Variants in RYR1 observed in about 807,000 individuals in gnomAD.
The protein encoded by RYR1 is central core disease of muscle.
RYR1 carries 342 observed loss-of-function variants against 583.5 expected under a neutral mutation model. That is an observed-to-expected ratio of 0.59 (90% confidence interval 0.54 to 0.64). RYR1 has a LOEUF of 0.64. Among genes scored for constraint, RYR1 ranks in the 30% least tolerant of loss-of-function variants. RYR1 has a pLI of 0.00. For synonymous variants in RYR1, 2,791 were observed against 2,822.5 expected (o/e 0.99, Z 0.35); for missense variants, 6,032 against 6,917.2 (o/e 0.87, Z 4.54).
Position 38,537,433 on chromosome 19 carries a change from C to T in RYR1, c.11609-447C>T, listed in dbSNP as rs141164060. Among the ~76,000 whole-genome samples the T allele has an allele frequency of 3.9e-3, 587 of 152,276 alleles. 7 individuals carry two copies. The highest frequency in any genetic ancestry group is 0.013 in the African/African-American group (560 of 41,558). ...ATTGGCTGGCTTTCAATCCCCATCC[C>T]TTATCCCTCCCAGCCCAATCTTCCC... On this transcript the variant is annotated intron_variant, in intron 83 of 105. Coordinates refer to ENST00000359596, the MANE Select transcript of RYR1 (RefSeq NM_000540.3).
chr19:38,573,109 G>A (rs1352697602), intron 95 of RYR1, 68 bp from the exon 96 acceptor site: 2 of 1,606,458 alleles, frequency 1.2e-6, no homozygotes, highest in African/African-American at 2.7e-5. Context: ...AGATGTCATG[G>A]CTTCTGCTGA....
chr19:38,433,740 A>AACCCCC lies in RYR1; in HGVS notation c.-90_-89insACCCCC. 2 of 705,100 alleles carry AACCCCC rather than the reference A, an allele frequency of 2.8e-6. No individual in the cohort carries two copies. 43.7% of individuals were successfully genotyped at this position (705,100 alleles called of 1,614,324 possible). A position where few individuals can be genotyped will look rare whatever the true frequency, so the allele number is the denominator to read the frequency against. ...CCTCTGGTGTCTCCAGAGGTCTCCG[A>AACCCCC]CCCCAGCCCGCCCCCAGCCCTCCCG... On this transcript the variant is annotated 5_prime_UTR_variant, in exon 1 of 106. Transcript: ENST00000359596.
rs1449733977 is a variant in RYR1, at chr19:38,516,217, A to G, written c.9685A>G (p.Ile3229Val). Reference protein sequence around the residue: ...YTTKSPRERAILGLPNSVEEM... With the variant: ...YTTKSPRERAVLGLPNSVEEM... ...CACCAAGTCTCCGCGGGAGCGGGCCAGTAAGCTGTGTGGGGCGGGAGCAGT... is the reference window on the plus strand; with the variant it reads ...CACCAAGTCTCCGCGGGAGCGGGCCGGTAAGCTGTGTGGGGCGGGAGCAGT... Residue 3229 changes from isoleucine to valine, a missense_variant and splice_region_variant, in exon 65 of 106, where the codon ATC becomes GTC. Transcript: ENST00000359596. 1.4e-5 allele frequency: 22 copies of G among 1,586,482 alleles called. No individual in the cohort carries two copies. The Middle Eastern group carries it at 5.0e-4, about 36-fold the overall frequency.
chr19:38,488,919 CG>C (rs1474340425), intron 34 of RYR1, among the ~76,000 whole-genome samples: 1 of 152,166 alleles, frequency 6.6e-6, no homozygotes, highest in Admixed American at 6.5e-5. Context: ...AAAGGACACT[CG>C]CCTGTGATGG....
chr19:38,587,383 A>G lies in RYR1; in HGVS notation c.15080A>G (p.Asp5027Gly). ...TGTTGGGATTTCTTCCCAGCTGGTGATTGTTTCCGTAAGCAGTATGAGGAC... is the reference window on the plus strand; with the variant it reads ...TGTTGGGATTTCTTCCCAGCTGGTGGTTGTTTCCGTAAGCAGTATGAGGAC... ...ERCWDFFPAG[D>G]CFRKQYEDQL... The change falls in exon 106 of 106, where the codon GAT (aspartate) becomes GGT (glycine). Residue 5027 changes from aspartate (D) to glycine (G), a missense_variant. By Grantham distance (94) the Asp-to-Gly change is moderately conservative. Transcript: ENST00000359596. The G allele has an allele frequency of 6.2e-7, 1 of 1,613,978 alleles. No individual in the cohort carries two copies. Among genetic ancestry groups the G allele is most frequent in the Non-Finnish European group, 8.5e-7 (1 of 1,179,998 alleles).
chr19:38,541,303 C>A (rs1221584266), intron 84 of RYR1, among the ~76,000 whole-genome samples: 1 of 152,164 alleles, frequency 6.6e-6, no homozygotes, highest in South Asian at 2.1e-4. Context: ...TTAACTAGAG[C>A]AGTACAGGAC....
Position 38,517,696 on chromosome 19 carries a change from G to GT in RYR1, c.10018+6dup. On this transcript the variant is annotated splice_donor_region_variant and intron_variant, in intron 66 of 105. Coordinates refer to ENST00000359596, the MANE Select transcript of RYR1 (RefSeq NM_000540.3). ...CCTGGATGAAGCGGCTGGCTGGTGG[G>GT]TCGGGGGGCACTGGGCCTCTGAGGG... The GT allele has an allele frequency of 1.2e-6, 2 of 1,614,100 alleles. No homozygotes were observed. The highest frequency in any genetic ancestry group is 1.3e-5 in the African/African-American group (1 of 75,034).
Position 38,543,225 on chromosome 19 carries a change from T to TA in RYR1, c.11690-121dup. On this transcript the variant is annotated intron_variant, in intron 84 of 105. Transcript: ENST00000359596. This position sits in a 1 kb window ranked among gnomAD's most constrained non-coding sequence, Gnocchi z 4.4. ...TAGTTATTAAATAAATTGATGATGATATGCTTTCTGGCATACAATAGGAAC... is the reference window on the plus strand; with the variant it reads ...TAGTTATTAAATAAATTGATGATGATAATGCTTTCTGGCATACAATAGGAAC... The TA allele has an allele frequency of 1.2e-6, 1 of 822,530 alleles. No individual in the cohort carries two copies. Among genetic ancestry groups the TA allele is most frequent in the African/African-American group, 1.7e-5 (1 of 59,766 alleles). The allele number at this position is 822,530 out of a possible 1,614,324, so 51.0% of individuals were successfully genotyped here. A position where few individuals can be genotyped will look rare whatever the true frequency, so the allele number is the denominator to read the frequency against.
chr19:38,572,614 C>T (rs1394286189), intron 95 of RYR1, among the ~76,000 whole-genome samples: 1 of 152,014 alleles, frequency 6.6e-6, no homozygotes, highest in Non-Finnish European at 1.5e-5. Context: ...TGCCCTGCTT[C>T]CACCTCCTTG....
In RYR1 at chr19:38,452,984, G is replaced by A; in HGVS notation, c.1410G>A (p.Leu470=). Reference sequence around the variant, plus strand: ...AGAAGCAGAGCAAGCTGCGAAGCCTGCGCAACCGCCAGAGCCTCTTCCAGG... The same window carrying A: ...AGAAGCAGAGCAAGCTGCGAAGCCTACGCAACCGCCAGAGCCTCTTCCAGG... The part of the protein sequence containing the change: ...HEEKQSKLRS[L]RNRQSLFQEE... Residue 470 remains leucine, a synonymous_variant, in exon 13 of 106, where the codon CTG becomes CTA. Transcript: ENST00000359596. The A allele has an allele frequency of 6.2e-7, 1 of 1,613,908 alleles. No individual in the cohort carries two copies. The highest frequency in any genetic ancestry group is 8.5e-7 in the Non-Finnish European group (1 of 1,179,830).
In RYR1 at chr19:38,489,302, G is replaced by C. The variant is rs751039626; in HGVS notation, c.5673G>C (p.Glu1891Asp). 3.1e-6 allele frequency: 5 copies of C among 1,602,702 alleles called. No individual in the cohort carries two copies. The highest frequency in any genetic ancestry group is 3.3e-4 in the Middle Eastern group (2 of 6,040). ...EEEGEEEDEE[E>D]KEEDEEETAQ... ...AGGGTGAAGAGGAAGATGAGGAGGA[G>C]AAGGAGGAGGATGAGGAGGAAACAG... Residue 1891 changes from glutamate (E) to aspartate (D), a missense_variant, in exon 35 of 106, where the codon GAG becomes GAC. Coordinates refer to ENST00000359596, the MANE Select transcript of RYR1 (RefSeq NM_000540.3).
chr19:38,463,578 G>T, intron 21 of RYR1, 51 bp downstream of exon 21: 1 of 1,574,876 alleles, frequency 6.3e-7, no homozygotes, highest in Non-Finnish European at 8.7e-7. Context: ...TGCGGTGCCA[G>T]GAGGGAGAGC....
In RYR1 at chr19:38,507,075, C is replaced by T. The variant is rs577237981; in HGVS notation, c.8816+123C>T. The T allele has an allele frequency of 6.8e-6, 10 of 1,470,612 alleles. No homozygotes were observed. The African/African-American group carries it at 1.1e-4, about 17-fold the overall frequency. The allele number at this position is 1,470,612 out of a possible 1,614,324, so 91.1% of individuals were successfully genotyped here. A position where few individuals can be genotyped will look rare whatever the true frequency, so the allele number is the denominator to read the frequency against. The stretch of plus-strand genomic sequence containing the variant: ...CGGGGCCTGAGGAGCAAAGATGGAA[C>T]CAGAGGGGAGGAGCTAAGGGAGTGG... On this transcript the variant is annotated intron_variant, in intron 57 of 105. Transcript: ENST00000359596.
At chr19:38,542,234 A>T (rs1262641459) in intron 84 of RYR1, among the ~76,000 whole-genome samples, 1 of 152,026 alleles carries the variant, frequency 6.6e-6, no homozygotes, top group Non-Finnish European at 1.5e-5. Flanking sequence ...TATACACTCA[A>T]TAAAATATGT....
chr19:38,486,332 T>G, intron 34 of RYR1, 130 bp downstream of exon 34: 1 of 1,135,322 alleles, frequency 8.8e-7, no homozygotes, highest in Non-Finnish European at 1.3e-6. Flanking sequence ...TATACATCCA[T>G]CCACCTTTCT....
chr19:38,459,875 C>T (rs1967632779), intron 19 of RYR1, among the ~76,000 whole-genome samples: 1 of 152,188 alleles, frequency 6.6e-6, no homozygotes, highest in African/African-American at 2.4e-5. Flanking sequence ...CAGACTTGCC[C>T]AGTGACCCTG....
chr19:38,579,960 C>A, intron 99 of RYR1, 22 bp from the exon 100 acceptor site: 1 of 1,614,036 alleles, frequency 6.2e-7, no homozygotes, highest in Non-Finnish European at 8.5e-7. Context: ...TCCCCCTGAC[C>A]CCTGGCCCTG....
chr19:38,585,969 A>G lies in RYR1; in HGVS notation c.14835A>G (p.Arg4945=). ...GLIIDAFGEL[R]DQQEQVKEDM... ...TCATCGACGCTTTTGGTGAGCTCCG[A>G]GACCAACAAGAGCAAGTGAAGGAGG... is the stretch of plus-strand genomic sequence containing the variant. Residue 4945 remains arginine, a synonymous_variant, in exon 103 of 106, where the codon CGA becomes CGG. Transcript: ENST00000359596. 1 of 1,613,986 alleles carries G rather than the reference A, an allele frequency of 6.2e-7. No individual in the cohort carries two copies. Among genetic ancestry groups the G allele is most frequent in the East Asian group, 2.2e-5 (1 of 44,870 alleles).
At position 38,543,343 on chromosome 19, in the gene RYR1, C is replaced by G. The variant is rs1972281679; in HGVS notation, c.11690-4C>G. The G allele has an allele frequency of 6.2e-7, 1 of 1,613,996 alleles. No individual in the cohort carries two copies. The highest frequency in any genetic ancestry group is 1.7e-5 in the Admixed American group (1 of 60,004). ...GCTGGATAAATGACTTTTCATCTCCCCAGATTTCCAGAACTACCTACGGAC... is the reference window on the plus strand; with the variant it reads ...GCTGGATAAATGACTTTTCATCTCCGCAGATTTCCAGAACTACCTACGGAC... On this transcript the variant is annotated splice_region_variant and splice_polypyrimidine_tract_variant and intron_variant, in intron 84 of 105. Transcript: ENST00000359596. The surrounding 1 kb of genome is among the most constrained non-coding windows in gnomAD (Gnocchi z 4.4).
Sources: allele counts gnomAD v4.1 joint callset (sites outside exome capture counted in the v4.1 genomes callset), GRCh38; gene constraint gnomAD v4.1.1; non-coding constraint Gnocchi (gnomAD v3.1); transcripts MANE v1.5; gene names NCBI Gene and HGNC (gene_info 2026-07-23, HGNC 2026-07-21).